Variants in GPC5 observed in about 807,000 individuals in gnomAD.
GPC5 encodes the protein glypican-5.
A neutral mutation model predicts 53.9 loss-of-function variants in GPC5; 47 were observed. The observed-to-expected ratio is 0.87, with a 90% CI of 0.69 to 1.11. GPC5 has a LOEUF of 1.11. GPC5 is among the 50% of genes most tolerant of loss of function. The probability of loss-of-function intolerance (pLI) is 0.00; values close to 1 mark genes in which losing one functional copy is unlikely to be tolerated. For synonymous variants in GPC5, 286 were observed against 263.3 expected, an observed-to-expected ratio of 1.09 and a Z score of -0.84; for missense variants, 748 against 713.1, an observed-to-expected ratio of 1.05 and a Z score of -0.56.
chr13:92,707,891 C>G (rs1360071445), intron 7 of GPC5, among the ~76,000 whole-genome samples: 1 of 152,070 alleles, frequency 6.6e-6, no homozygotes, highest in Non-Finnish European at 1.5e-5. Flanking sequence ...AGATTTTTGG[C>G]AGAGACCATG....
chr13:91,958,114 A>T (rs2040091290), intron 6 of GPC5, among the ~76,000 whole-genome samples: 2 of 151,856 alleles, frequency 1.3e-5, no homozygotes, highest in South Asian at 4.1e-4. Flanking sequence ...AGCATGATTC[A>T]ACCATATACT....
At chr13:91,601,456 C>T (rs79781512) in intron 2 of GPC5, among the ~76,000 whole-genome samples, 10,669 of 152,148 alleles carry the variant, frequency 0.07, 489 homozygotes, top group Non-Finnish European at 0.1. Context: ...ACCCCTGGGC[C>T]GTGGACCCCT....
At chr13:91,827,337 C>T (rs536159153) in intron 5 of GPC5, among the ~76,000 whole-genome samples, 4 of 152,010 alleles carry the variant, frequency 2.6e-5, no homozygotes, top group East Asian at 3.9e-4. Flanking sequence ...ATGTAAACTG[C>T]ATCCAAATGA....
At chr13:91,833,592 C>G (rs2138859326) in intron 5 of GPC5, among the ~76,000 whole-genome samples, 1 of 152,212 alleles carries the variant, frequency 6.6e-6, no homozygotes, top group East Asian at 1.9e-4. Context: ...TCAACATATG[C>G]AAATCGATAA....
chr13:92,571,440 T>C (rs1274727651), intron 7 of GPC5, among the ~76,000 whole-genome samples: 3 of 152,158 alleles, frequency 2.0e-5, no homozygotes, highest in Non-Finnish European at 4.4e-5. Flanking sequence ...ATCAGTGTGC[T>C]TCATGATCCT....
intron 7 of GPC5, among the ~76,000 whole-genome samples, chr13:92,575,559 A>T (rs1212660477): frequency 6.6e-6 from 1 of 152,090 alleles, no homozygotes; most frequent in Non-Finnish European, 1.5e-5. Context: ...CAGTTGTTTT[A>T]AGTCACCAAG....
rs567452939 is a variant in GPC5 at position 92,034,151 on chromosome 13, T to C, written c.1402-110679T>C. Among the ~76,000 whole-genome samples the C allele has an allele frequency of 2.0e-5, 3 of 152,234 alleles. No homozygotes were observed. The East Asian group carries it at 5.8e-4, about 29-fold the overall frequency. On this transcript the variant is annotated intron_variant, in intron 6 of 7. Coordinates refer to ENST00000377067, the MANE Select transcript of GPC5 (RefSeq NM_004466.6). ...ATACTATAACCTCATTCATAAAAAA[T>C]CTATAATTTAATATGGCAAACTAAA...
chr13:91,690,573 A>G (rs2035736824), intron 2 of GPC5, among the ~76,000 whole-genome samples: 2 of 152,334 alleles, frequency 1.3e-5, no homozygotes, highest in South Asian at 2.1e-4. Flanking sequence ...TGCTTTTACA[A>G]TATAAATTAC....
chr13:92,282,750 C>T (rs1161463527), intron 7 of GPC5, among the ~76,000 whole-genome samples: 1 of 152,100 alleles, frequency 6.6e-6, no homozygotes, highest in African/African-American at 2.4e-5. Context: ...AAACACTAAA[C>T]ATGGAAAGGA....
chr13:91,975,261 T>C lies in GPC5; in HGVS notation c.1401+67204T>C, dbSNP rs866251402. On this transcript the variant is annotated intron_variant, in intron 6 of 7. Coordinates refer to ENST00000377067, the MANE Select transcript of GPC5 (RefSeq NM_004466.6). ...AAAGCAATGGCAACAAAAGCCAAAATTGACAAATGGGATCTAATTAAACTA... is the reference window on the plus strand; with the variant it reads ...AAAGCAATGGCAACAAAAGCCAAAACTGACAAATGGGATCTAATTAAACTA... Among the ~76,000 whole-genome samples the C allele has an allele frequency of 4.8e-3, 724 of 152,132 alleles. 6 individuals are homozygous for C. The highest frequency in any genetic ancestry group is 0.016 in the African/African-American group (679 of 41,468).
intron 5 of GPC5, among the ~76,000 whole-genome samples, chr13:91,791,013 G>T (rs1170968977): frequency 6.6e-6 from 1 of 152,172 alleles, no homozygotes; most frequent in East Asian, 1.9e-4. Context: ...TGCTCCTTTA[G>T]CCAGACTTTT....
chr13:91,765,812 A>G (rs1195951851), intron 5 of GPC5, among the ~76,000 whole-genome samples: 4 of 152,240 alleles, frequency 2.6e-5, no homozygotes, highest in African/African-American at 9.6e-5. Flanking sequence ...TCTTTAAAAT[A>G]TGGATGAGAT....
intron 2 of GPC5, among the ~76,000 whole-genome samples, chr13:91,578,146 C>G (rs1373029920): frequency 6.6e-6 from 1 of 152,202 alleles, no homozygotes; most frequent in East Asian, 1.9e-4. Flanking sequence ...CAGCAAGGAA[C>G]TGAGGCCTTC....
Position 92,791,907 on chromosome 13 carries a change from AT to A in GPC5, c.1562-74373del, listed in dbSNP as rs1399056415. On this transcript the variant is annotated intron_variant, in intron 7 of 7. Transcript: ENST00000377067. Reference sequence around the variant, plus strand: ...TTAAGTGCACAATTTAGTGGCATTAATTAGATGACTATCATTTCATCTCATT... The same window carrying A: ...TTAAGTGCACAATTTAGTGGCATTAATAGATGACTATCATTTCATCTCATT... Among the ~76,000 whole-genome samples the A allele has an allele frequency of 2.6e-5, 4 of 152,260 alleles. No individual in the cohort carries two copies. The East Asian group carries it at 7.7e-4, about 29-fold the overall frequency.
chr13:91,512,294 C>T (rs985780900), intron 2 of GPC5, among the ~76,000 whole-genome samples: 1 of 152,204 alleles, frequency 6.6e-6, no homozygotes, highest in Non-Finnish European at 1.5e-5. Context: ...CTTCCTCTGT[C>T]CTTCCCGTAG....
chr13:91,452,709 C>T (rs146135047), intron 2 of GPC5, among the ~76,000 whole-genome samples: 1 of 151,954 alleles, frequency 6.6e-6, no homozygotes, highest in East Asian at 1.9e-4. Flanking sequence ...TCTTATCCAG[C>T]TTATATATTT....
At chr13:92,038,963 A>G (rs1213073604) in intron 6 of GPC5, among the ~76,000 whole-genome samples, 2 of 152,232 alleles carry the variant, frequency 1.3e-5, no homozygotes, top group Non-Finnish European at 2.9e-5. Context: ...AAATGAAGAA[A>G]GGATATCAGA....
At chr13:91,909,212 T>C (rs1205083515) in intron 6 of GPC5, among the ~76,000 whole-genome samples, 1 of 152,232 alleles carries the variant, frequency 6.6e-6, no homozygotes, top group Non-Finnish European at 1.5e-5. Context: ...AGTGGTATCA[T>C]GACTACCGAT....
chr13:92,168,062 C>T (rs77789312), intron 7 of GPC5, among the ~76,000 whole-genome samples: 2,309 of 152,182 alleles, frequency 0.015, 34 homozygotes, highest in South Asian at 0.031. Context: ...TGCATCTCAA[C>T]GTTGACTATC....
Sources: gnomAD v4.1 joint callset for allele counts (sites outside exome capture counted in the v4.1 genomes callset) on GRCh38, gnomAD v4.1.1 for gene constraint, MANE v1.5 for transcripts, NCBI Gene and HGNC (gene_info 2026-07-23, HGNC 2026-07-21) for gene names.